ACAD10: variants seen among roughly 807,000 people sequenced by gnomAD.
ACAD10 encodes the protein ACAD-10.
Under a neutral mutation model 116.8 loss-of-function variants are expected in ACAD10, and 112 were observed. That is an observed-to-expected ratio of 0.96 (90% CI 0.82 to 1.12). The LOEUF is 1.12. Among genes scored for constraint, ACAD10 ranks in the 50% most tolerant of loss-of-function variants. The pLI, the probability that ACAD10 is intolerant of heterozygous loss-of-function variation, is 0.00. For synonymous variants in ACAD10, 486 were observed against 510.6 expected, an observed-to-expected ratio of 0.95 and a Z score of 0.65; for missense variants, 1,259 against 1,350.2, an observed-to-expected ratio of 0.93 and a Z score of 1.06.
In ACAD10 at chr12:111,746,241, C is replaced by T. The variant is rs1215494551; in HGVS notation, c.2213C>T (p.Ala738Val). ...GCAGGACTGACCAATGTGGAATATG[C>T]ACATCTGTGTGAGCTCATGGGCACG... Reference protein sequence around the residue: ...YGAGLTNVEYAHLCELMGTSL... With the variant: ...YGAGLTNVEYVHLCELMGTSL... The change falls in exon 14 of 21, where the codon GCA becomes GTA. Residue 738 changes from alanine to valine, a missense_variant. Physicochemically the swap from Ala to Val is moderately conservative, Grantham distance 64. Coordinates refer to ENST00000313698, the MANE Select transcript of ACAD10 (RefSeq NM_025247.6). 1 of 1,613,924 alleles carries T rather than the reference C, an allele frequency of 6.2e-7. No homozygotes were observed. The highest frequency in any genetic ancestry group is 1.7e-5 in the Admixed American group (1 of 59,988).
At chr12:111,695,221 T>C (rs1161345788) in intron 2 of ACAD10, among the ~76,000 whole-genome samples, 1 of 152,196 alleles carries the variant, frequency 6.6e-6, no homozygotes, top group South Asian at 2.1e-4. Context: ...CACATTTGCA[T>C]GTTTGTGCCT....
chr12:111,719,586 CTT>C (rs1361446169), intron 7 of ACAD10, among the ~76,000 whole-genome samples: 1 of 151,028 alleles, frequency 6.6e-6, no homozygotes. Flanking sequence ...CAGGTTTGCT[CTT>C]GTCGCCCAGG....
In ACAD10 at chr12:111,756,280, C is replaced by T. The variant is rs796454991; in HGVS notation, c.3040-53C>T. On this transcript the variant is annotated intron_variant, in intron 20 of 20. Transcript: ENST00000313698. ...AGAGCAGGCTATCATTCCTGGGGCT[C>T]TCGGAGACAAGGGCTGACCCAGGGC... 1.9e-5 allele frequency: 29 copies of T among 1,522,658 alleles called. No homozygotes were observed. The African/African-American group carries it at 3.3e-4, about 17-fold the overall frequency. 94.3% of individuals were successfully genotyped at this position (1,522,658 alleles called of 1,614,324 possible).
intron 6 of ACAD10, 155 bp from the exon 7 acceptor site, chr12:111,715,666 A>G: frequency 2.1e-6 from 2 of 946,348 alleles, no homozygotes; most frequent in Non-Finnish European, 3.1e-6. Context: ...GGACTCAGTC[A>G]CTCCTAGTAG....
chr12:111,735,512 G>A (rs1889522688), intron 11 of ACAD10, among the ~76,000 whole-genome samples: 1 of 151,228 alleles, frequency 6.6e-6, no homozygotes. Context: ...CTAGAGTGCA[G>A]TGGCGCGATC....
At chr12:111,745,835 CTTTTTTTTTTTT>C (rs532150491) in intron 13 of ACAD10, among the ~76,000 whole-genome samples, 13 of 104,768 alleles carry the variant, frequency 1.2e-4, no homozygotes, top group African/African-American at 1.9e-4. Flanking sequence ...CCATCTCTCT[CTTTTTTTTTTTT>C]TTTTTTTTTT....
In ACAD10 at chr12:111,736,711, G is replaced by A. The variant is rs1256184321; in HGVS notation, c.1541-120G>A. On this transcript the variant is annotated intron_variant, in intron 11 of 20. Coordinates refer to ENST00000313698, the MANE Select transcript of ACAD10 (RefSeq NM_025247.6). ...CCAATGCAGGAATAAGCTAACCCAT[G>A]GAACTGGTCGTGAAACTAATTTGCA... 3.1e-6 allele frequency: 3 copies of A among 974,612 alleles called. No individual in the cohort carries two copies. The African/African-American group carries it at 5.0e-5, about 16-fold the overall frequency. 60.4% of individuals were successfully genotyped at this position (974,612 alleles called of 1,614,324 possible).
intron 14 of ACAD10, 45 bp from the exon 15 acceptor site, chr12:111,747,004 A>G (rs1889922794): frequency 6.6e-7 from 1 of 1,519,950 alleles, no homozygotes. Context: ...TGTTTTTTTT[A>G]GAAGAGGACA....
chr12:111,700,272 T>C (rs1888311537), intron 2 of ACAD10, among the ~76,000 whole-genome samples: 1 of 152,236 alleles, frequency 6.6e-6, no homozygotes, highest in Non-Finnish European at 1.5e-5. Flanking sequence ...AACATCTGTG[T>C]GGTATTCCGT....
At chr12:111,722,369 CTATTTATTTATT>C (rs200521229) in intron 8 of ACAD10, among the ~76,000 whole-genome samples, 58 of 150,644 alleles carry the variant, frequency 3.9e-4, no homozygotes, top group African/African-American at 1.3e-3. Context: ...CGGCCCTAAA[CTATTTATTTATT>C]TATTTATTTA....
chr12:111,718,296 G>A (rs1237173461), intron 7 of ACAD10, among the ~76,000 whole-genome samples: 1 of 151,830 alleles, frequency 6.6e-6, no homozygotes, highest in Non-Finnish European at 1.5e-5. Context: ...TGATTCACCT[G>A]CCTCGGCCTC....
At chr12:111,703,907 A>G (rs796863235) in intron 3 of ACAD10, among the ~76,000 whole-genome samples, 1 of 141,954 alleles carries the variant, frequency 7.0e-6, no homozygotes, top group Non-Finnish European at 1.5e-5. Flanking sequence ...TCCACAATTT[A>G]TATATATATA....
chr12:111,746,487 A>G (rs1749885051), intron 14 of ACAD10, among the ~76,000 whole-genome samples: 1 of 152,014 alleles, frequency 6.6e-6, no homozygotes, highest in Non-Finnish European at 1.5e-5. Context: ...TCCTGGGTTC[A>G]AGTGGTTCTC....
rs958108595 is a variant in ACAD10, at chr12:111,721,780, A to G, written c.1061+41A>G. 2.0e-6 allele frequency: 3 copies of G among 1,528,048 alleles called. No homozygotes were observed. The African/African-American group carries it at 4.1e-5, about 21-fold the overall frequency. The allele number at this position is 1,528,048 out of a possible 1,614,324, so 94.7% of individuals were successfully genotyped here. A position where few individuals can be genotyped will look rare whatever the true frequency, so the allele number is the denominator to read the frequency against. On this transcript the variant is annotated intron_variant, in intron 8 of 20. Transcript: ENST00000313698. ...TTTTGCTATTGCACTTTCAAGCTAC[A>G]GGAGAGAAAAGCCCATATGCTAACA...
Position 111,715,954 on chromosome 12 carries a change from GGA to G in ACAD10, c.986_987del (p.Glu329ValfsTer16). The G allele has an allele frequency of 1.2e-6, 2 of 1,613,874 alleles. No homozygotes were observed. The highest frequency in any genetic ancestry group is 1.7e-6 in the Non-Finnish European group (2 of 1,179,854). On this transcript the variant is annotated frameshift_variant, in exon 7 of 21. Transcript: ENST00000313698. LOFTEE classifies it high-confidence loss of function. ...TTCCATCTGCCCATGCCATAGAGAG[GGA>G]GTTCAGGTAAGTTTTCAGGGCCAGG... ...LLPSAHAIER[E>X]FRIMKALANA... is the part of the protein sequence containing the mutation.
intron 4 of ACAD10, among the ~76,000 whole-genome samples, chr12:111,706,489 AC>A (rs1888507795): frequency 6.6e-6 from 1 of 151,926 alleles, no homozygotes; most frequent in African/African-American, 2.4e-5. Context: ...TCGCTCTGTA[AC>A]CCAGGCTGGA....
intron 13 of ACAD10, 83 bp from the exon 14 acceptor site, chr12:111,746,061 C>T (rs1847631962): frequency 6.5e-7 from 1 of 1,539,702 alleles, no homozygotes; most frequent in Non-Finnish European, 8.8e-7. Flanking sequence ...CTTGTTTCCT[C>T]CAATCCCTTT....
chr12:111,737,729 C>G (rs1889612796), intron 12 of ACAD10, among the ~76,000 whole-genome samples: 1 of 152,018 alleles, frequency 6.6e-6, no homozygotes, highest in Non-Finnish European at 1.5e-5. Context: ...ATGTGATCAT[C>G]CTATGTGTAT....
At chr12:111,729,633 T>C (rs1268671664) in intron 9 of ACAD10, among the ~76,000 whole-genome samples, 173 bp from the exon 10 acceptor site, 1 of 152,162 alleles carries the variant, frequency 6.6e-6, no homozygotes, top group East Asian at 1.9e-4. Flanking sequence ...GACTTCCACC[T>C]TGGGGCAGCA....
Sources: allele counts gnomAD v4.1 joint callset (sites outside exome capture counted in the v4.1 genomes callset), GRCh38; gene constraint gnomAD v4.1.1; transcripts MANE v1.5; gene names NCBI Gene and HGNC (gene_info 2026-07-23, HGNC 2026-07-21).